Variants in DCDC1 observed in about 807,000 individuals in gnomAD.
DCDC1 encodes the protein doublecortin domain containing 1.
DCDC1 carries 200 observed loss-of-function variants against 178.3 expected under a neutral mutation model. The observed-to-expected ratio is 1.12, with a 90% CI of 1.00 to 1.26. The LOEUF (loss-of-function observed/expected upper bound fraction) is 1.26. DCDC1 is among the 50% of genes most tolerant of loss of function. The pLI, the probability that DCDC1 is intolerant of heterozygous loss-of-function variation, is 0.00. For synonymous variants in DCDC1, 690 were observed against 604.8 expected (o/e 1.14, Z -2.07); for missense variants, 1,983 against 1,749.2 (o/e 1.13, Z -2.38).
chr11:30,867,970 G>A (rs2133902208), intron 38 of DCDC1, among the ~76,000 whole-genome samples: 1 of 152,208 alleles, frequency 6.6e-6, no homozygotes, highest in Middle Eastern at 3.4e-3. Flanking sequence ...ATGATCTCAT[G>A]AGTCCCAGCC....
In DCDC1 at chr11:30,952,494, T is replaced by C; in HGVS notation, c.2666A>G (p.Asn889Ser). ...GACAGGCCACATGTAGGTAAGCTTGTTCCATAGAGGATTTTCAACTCTAGA... is the reference window on the plus strand; with the variant it reads ...GACAGGCCACATGTAGGTAAGCTTGCTCCATAGAGGATTTTCAACTCTAGA... ...KHSRVENPLW[N>S]KLTYMWPVLP... The change falls in exon 21 of 39, where the codon AAC (asparagine) becomes AGC (serine). Residue 889 changes from asparagine to serine, a missense_variant. By Grantham distance (46) the Asn-to-Ser change is conservative. Coordinates refer to ENST00000684477, the MANE Select transcript of DCDC1 (RefSeq NM_001387274.1). 6.3e-7 allele frequency: 1 copy of C among 1,587,206 alleles called. No homozygotes were observed. The highest frequency in any genetic ancestry group is 8.5e-7 in the Non-Finnish European group (1 of 1,171,390).
chr11:31,331,914 C>T (rs1416794543), intron 2 of DCDC1, among the ~76,000 whole-genome samples: 1 of 152,092 alleles, frequency 6.6e-6, no homozygotes, highest in African/African-American at 2.4e-5. Flanking sequence ...AGGGATGATT[C>T]CCTCTTTTTC....
chr11:31,222,570 A>G (rs959856184), intron 9 of DCDC1, among the ~76,000 whole-genome samples: 4 of 152,218 alleles, frequency 2.6e-5, no homozygotes, highest in Non-Finnish European at 5.9e-5. Flanking sequence ...TCAGGCTGCT[A>G]TAACAAGCTA....
At chr11:30,962,707 A>T (rs1218817183) in intron 20 of DCDC1, among the ~76,000 whole-genome samples, 1 of 152,090 alleles carries the variant, frequency 6.6e-6, no homozygotes, top group African/African-American at 2.4e-5. Flanking sequence ...GCCAATCCTG[A>T]CATCTCTTGG....
At chr11:30,957,922 G>A (rs926333341) in intron 20 of DCDC1, among the ~76,000 whole-genome samples, 6 of 152,272 alleles carry the variant, frequency 3.9e-5, no homozygotes, top group African/African-American at 1.4e-4. Context: ...GTTTCTCTAT[G>A]ACTATTTGAC....
At chr11:31,314,692 C>T (rs1212981723) in intron 3 of DCDC1, 3 of 152,120 alleles carry the variant, frequency 2.0e-5, no homozygotes, top group Non-Finnish European at 4.4e-5. Context: ...TCTATGATCG[C>T]TATCATTTAA....
At chr11:31,281,443 ATTT>A (rs1003675579) in intron 7 of DCDC1, among the ~76,000 whole-genome samples, 4 of 151,348 alleles carry the variant, frequency 2.6e-5, no homozygotes, top group African/African-American at 9.7e-5. Context: ...TGCTATGAAA[ATTT>A]TTTTTTGTTT....
At chr11:31,149,528 T>G (rs531903356) in intron 9 of DCDC1, among the ~76,000 whole-genome samples, 38 of 152,092 alleles carry the variant, frequency 2.5e-4, no homozygotes, top group South Asian at 2.5e-3. Flanking sequence ...AGCAGCAACC[T>G]GCTCGGGTTG....
At chr11:30,969,984 A>T (rs985873749) in intron 20 of DCDC1, among the ~76,000 whole-genome samples, 4 of 152,226 alleles carry the variant, frequency 2.6e-5, no homozygotes, top group Admixed American at 2.0e-4. Flanking sequence ...CTAATAGATC[A>T]TCTAAGACAG....
intron 13 of DCDC1, 137 bp from the exon 14 acceptor site, chr11:31,103,906 C>CCTG: frequency 1.8e-6 from 1 of 569,892 alleles, no homozygotes; most frequent in Non-Finnish European, 3.1e-6. Context: ...TTGTATAGCA[C>CCTG]TATTGCTGGT....
At chr11:31,122,397 A>G (rs1248860157) in intron 11 of DCDC1, among the ~76,000 whole-genome samples, 1 of 152,134 alleles carries the variant, frequency 6.6e-6, no homozygotes, top group Non-Finnish European at 1.5e-5. Flanking sequence ...CAATAAAATC[A>G]TTTGGGAGCT....
intron 2 of DCDC1, among the ~76,000 whole-genome samples, chr11:31,329,335 A>G (rs1398016971): frequency 6.6e-6 from 1 of 152,078 alleles, no homozygotes; most frequent in Non-Finnish European, 1.5e-5. Flanking sequence ...TTAGTTTCCT[A>G]CGTACATAAG....
chr11:31,303,193 T>C (rs1026555932), intron 6 of DCDC1, among the ~76,000 whole-genome samples: 3 of 152,178 alleles, frequency 2.0e-5, no homozygotes, highest in South Asian at 2.1e-4. Flanking sequence ...AACCACAGCT[T>C]TTATCTTTCT....
chr11:31,163,063 T>C (rs1265379453), intron 9 of DCDC1, among the ~76,000 whole-genome samples: 2 of 152,146 alleles, frequency 1.3e-5, no homozygotes, highest in Non-Finnish European at 2.9e-5. Context: ...TGTCTTTACT[T>C]AAATCCCCAA....
At chr11:31,100,383 A>T (rs1376647662) in intron 15 of DCDC1, among the ~76,000 whole-genome samples, 1 of 152,246 alleles carries the variant, frequency 6.6e-6, no homozygotes, top group Non-Finnish European at 1.5e-5. Context: ...TGCCCAAAGA[A>T]TCCTCAGTTT....
At chr11:31,157,543 G>C (rs1381197238) in intron 9 of DCDC1, among the ~76,000 whole-genome samples, 7 of 151,388 alleles carry the variant, frequency 4.6e-5, no homozygotes, top group Non-Finnish European at 8.8e-5. Context: ...GCTAAACATG[G>C]GTAAACCTTG....
intron 36 of DCDC1, among the ~76,000 whole-genome samples, chr11:30,885,764 T>G (rs1943111497): frequency 6.6e-6 from 1 of 152,140 alleles, no homozygotes. Flanking sequence ...TCTTGAAACA[T>G]TCCTAGAAAA....
intron 3 of DCDC1, among the ~76,000 whole-genome samples, chr11:31,312,390 T>C (rs1036022134): frequency 7.9e-5 from 12 of 152,216 alleles, no homozygotes; most frequent in African/African-American, 2.9e-4. Flanking sequence ...GTCTACAATC[T>C]TGCTGTGATG....
At chr11:31,033,729 T>A (rs1480313518) in intron 20 of DCDC1, among the ~76,000 whole-genome samples, 1 of 141,546 alleles carries the variant, frequency 7.1e-6, no homozygotes, top group Admixed American at 7.0e-5. Flanking sequence ...TCCCATAAGA[T>A]CATAATTGAG....
Sources: gnomAD v4.1 joint callset for allele counts (sites outside exome capture counted in the v4.1 genomes callset) on GRCh38, gnomAD v4.1.1 for gene constraint, MANE v1.5 for transcripts, NCBI Gene and HGNC (gene_info 2026-07-23, HGNC 2026-07-21) for gene names.